Variants in BAZ1B observed in about 807,000 individuals in gnomAD.
BAZ1B encodes bromodomain adjacent to zinc finger domain 1B, also known as tyrosine-protein kinase BAZ1B.
BAZ1B carries 22 observed loss-of-function variants against 153.8 expected under a neutral mutation model. The observed-to-expected ratio is 0.14, with a 90% confidence interval of 0.10 to 0.20. The LOEUF (loss-of-function observed/expected upper bound fraction) is 0.20. Ranked by LOEUF, BAZ1B falls within the 10% of genes least tolerant of loss-of-function variation. The pLI, the probability that BAZ1B is intolerant of heterozygous loss-of-function variation, is 1.00. For missense variants in BAZ1B, 1,325 were observed against 1,799.3 expected, an observed-to-expected ratio of 0.74 and a Z score of 4.77; for synonymous variants, 676 against 633.4, an observed-to-expected ratio of 1.07 and a Z score of -1.01.
intron 3 of BAZ1B, 66 bp downstream of exon 3, chr7:73,508,261 T>A: frequency 6.5e-7 from 1 of 1,533,164 alleles, no homozygotes; most frequent in Non-Finnish European, 8.9e-7. Context: ...AGAAATGTGT[T>A]CTGTAACCTA....
chr7:73,447,225 G>A (rs782207761), intron 16 of BAZ1B, 39 bp downstream of exon 16: 4 of 1,612,598 alleles, frequency 2.5e-6, no homozygotes, highest in African/African-American at 1.3e-5. Context: ...AAGCTTAGAA[G>A]ACTGTGAAAT....
At chr7:73,505,970 T>C (rs781952614) in intron 3 of BAZ1B, among the ~76,000 whole-genome samples, 3 of 152,190 alleles carry the variant, frequency 2.0e-5, no homozygotes, top group Non-Finnish European at 4.4e-5. Context: ...AACCTCAACA[T>C]GTCATTTAAA....
chr7:73,443,358 G>A (rs781928834), intron 17 of BAZ1B, among the ~76,000 whole-genome samples: 5 of 148,902 alleles, frequency 3.4e-5, no homozygotes, highest in Non-Finnish European at 7.4e-5. Context: ...AAAAGGGGCG[G>A]GGCCTCCATT....
intron 5 of BAZ1B, among the ~76,000 whole-genome samples, chr7:73,492,374 G>A (rs1000728618): frequency 6.6e-6 from 1 of 152,060 alleles, no homozygotes. Context: ...ATGTTAGCCG[G>A]GATGGTCTCG....
intron 6 of BAZ1B, among the ~76,000 whole-genome samples, chr7:73,486,251 C>T (rs933064104): frequency 1.4e-4 from 22 of 152,136 alleles, no homozygotes; most frequent in African/African-American, 5.1e-4. Context: ...GGTAACAATC[C>T]AAAATTCCTG....
chr7:73,495,367 G>A (rs1789834645), intron 4 of BAZ1B, among the ~76,000 whole-genome samples: 1 of 152,196 alleles, frequency 6.6e-6, no homozygotes, highest in South Asian at 2.1e-4. Context: ...ACCCAGGCTT[G>A]GAAATCACCA....
At chr7:73,483,175 C>T (rs943973242) in intron 6 of BAZ1B, among the ~76,000 whole-genome samples, 5 of 152,048 alleles carry the variant, frequency 3.3e-5, no homozygotes, top group Admixed American at 6.6e-5. Context: ...AAAAAGAGAG[C>T]GTCCACAATT....
At chr7:73,494,470 C>T (rs1789795066) in intron 4 of BAZ1B, among the ~76,000 whole-genome samples, 1 of 152,154 alleles carries the variant, frequency 6.6e-6, no homozygotes, top group Non-Finnish European at 1.5e-5. Flanking sequence ...TTAGGCTGGG[C>T]ACACAGGCTC....
At chr7:73,455,332 A>T (rs1249003626) in intron 13 of BAZ1B, among the ~76,000 whole-genome samples, 1 of 152,234 alleles carries the variant, frequency 6.6e-6, no homozygotes, top group Admixed American at 6.5e-5. Flanking sequence ...ATTCTGCACT[A>T]AATAATGGTT....
intron 12 of BAZ1B, among the ~76,000 whole-genome samples, chr7:73,460,949 ATCTC>A (rs111810447): frequency 6.7e-6 from 1 of 150,128 alleles, no homozygotes; most frequent in Admixed American, 6.6e-5. Context: ...AACAAGACCT[ATCTC>A]TCTCTTTTTT....
Position 73,441,240 on chromosome 7 carries a change from C to T in BAZ1B, c.*469G>A, listed in dbSNP as rs1629235. ...TCATAGAAACTGTACTGTACATGTG[C>T]TAAAGCAAGATGTCAGGAGTATCTT... On this transcript the variant is annotated 3_prime_UTR_variant, in exon 20 of 20. Transcript: ENST00000339594. The T allele has an allele frequency of 6.6e-6, 1 of 152,596 alleles. No individual in the cohort carries two copies. Among genetic ancestry groups the T allele is most frequent in the African/African-American group, 2.4e-5 (1 of 41,424 alleles). 9.5% of individuals were successfully genotyped at this position (152,596 alleles called of 1,614,324 possible).
chr7:73,459,089 A>T (rs1447058540), intron 13 of BAZ1B, among the ~76,000 whole-genome samples: 1 of 151,998 alleles, frequency 6.6e-6, no homozygotes, highest in Non-Finnish European at 1.5e-5. Context: ...TCTACTAAAA[A>T]ATACAAAAAT....
chr7:73,481,265 C>T (rs1175488432), intron 6 of BAZ1B, among the ~76,000 whole-genome samples: 2 of 151,666 alleles, frequency 1.3e-5, no homozygotes, highest in African/African-American at 4.8e-5. Context: ...TGGTGGTTCA[C>T]GCCTGTAATC....
At chr7:73,470,041 G>T (rs1382264121) in intron 8 of BAZ1B, among the ~76,000 whole-genome samples, 1 of 151,852 alleles carries the variant, frequency 6.6e-6, no homozygotes, top group Admixed American at 6.6e-5. Flanking sequence ...TCTCCTTTAG[G>T]TTTCACAAAA....
intron 13 of BAZ1B, among the ~76,000 whole-genome samples, chr7:73,457,808 G>A (rs904881096): frequency 6.6e-6 from 1 of 152,092 alleles, no homozygotes; most frequent in Non-Finnish European, 1.5e-5. Context: ...GGGAGACTTC[G>A]GAGATTAAGC....
chr7:73,500,214 A>C (rs1476405387), intron 3 of BAZ1B, among the ~76,000 whole-genome samples: 7 of 152,206 alleles, frequency 4.6e-5, no homozygotes, highest in African/African-American at 9.6e-5. Flanking sequence ...ACAAAACTAA[A>C]AACTGCTCTT....
chr7:73,489,958 C>A (rs1789570711), intron 5 of BAZ1B, among the ~76,000 whole-genome samples: 1 of 152,198 alleles, frequency 6.6e-6, no homozygotes, highest in Non-Finnish European at 1.5e-5. Flanking sequence ...AAGTTGTCAT[C>A]AAATGCTTGT....
intron 1 of BAZ1B, among the ~76,000 whole-genome samples, chr7:73,521,501 G>A (rs954273777): frequency 6.6e-6 from 1 of 152,154 alleles, no homozygotes; most frequent in Non-Finnish European, 1.5e-5. Context: ...TCCCTCTCGG[G>A]TCCTCAAGGC....
At chr7:73,521,761 G>C in intron 1 of BAZ1B, 66 bp downstream of exon 1, 3 of 1,358,116 alleles carry the variant, frequency 2.2e-6, no homozygotes, top group South Asian at 1.4e-5. Context: ...ACCTGGTCTC[G>C]CGAGCCCCAG....
Sources: allele counts gnomAD v4.1 joint callset (sites outside exome capture counted in the v4.1 genomes callset), GRCh38; gene constraint gnomAD v4.1.1; transcripts MANE v1.5; gene names NCBI Gene and HGNC (gene_info 2026-07-23, HGNC 2026-07-21).